The following GTF3C5 variants were observed in gnomAD, a reference collection of about 807,000 sequenced individuals.
The protein encoded by GTF3C5 is general transcription factor 3C polypeptide 5.
In GTF3C5, 47 loss-of-function variants were observed where a neutral mutation model predicts 61.0. The observed-to-expected ratio is 0.77, with a 90% CI of 0.61 to 0.98. The LOEUF is 0.98. Ranked by LOEUF, GTF3C5 falls within the 50% of genes least tolerant of loss-of-function variation. GTF3C5 has a pLI of 0.00. For synonymous variants in GTF3C5, 295 were observed against 275.4 expected, an observed-to-expected ratio of 1.07 and a Z score of -0.71; for missense variants, 659 against 703.3, an observed-to-expected ratio of 0.94 and a Z score of 0.71.
At position 133,056,872 on chromosome 9, in the gene GTF3C5, C is replaced by G; in HGVS notation, c.1357C>G (p.Leu453Val). 6.2e-7 allele frequency: 1 copy of G among 1,609,310 alleles called. No homozygotes were observed. The highest frequency in any genetic ancestry group is 8.5e-7 in the Non-Finnish European group (1 of 1,177,854). ...TSDELRDTMS[L>V]MIRQTIRSKR... ...CGACGAGCTCAGGGACACCATGTCC[C>G]TCATGATCCGGCAGACCATCCGCTC... Residue 453 changes from leucine to valine, a missense_variant, in exon 10 of 11, where the codon CTC (leucine) becomes GTC (valine). Coordinates refer to ENST00000372097, the MANE Select transcript of GTF3C5 (RefSeq NM_012087.4).
upstream of GTF3C5, chr9:133,030,920 C>A (rs1849706536): frequency 3.5e-6 from 5 of 1,427,094 alleles, no homozygotes; most frequent in Non-Finnish European, 4.9e-6. Context: ...GGTGAGGGAG[C>A]CCGGAACGAT....
chr9:133,055,498 GCCTT>G (rs1310509296), intron 8 of GTF3C5: 1 of 1,200,094 alleles, frequency 8.3e-7, no homozygotes, highest in Non-Finnish European at 1.1e-6. Context: ...AGCCTGTGCG[GCCTT>G]CCTTCTCGAG....
At chr9:133,054,052 CT>C (rs1829843556) in intron 6 of GTF3C5, 110 bp downstream of exon 6, 1 of 780,694 alleles carries the variant, frequency 1.3e-6, no homozygotes, top group Admixed American at 2.8e-5. Context: ...ATAAAAAAAC[CT>C]TTTGCCCCCG....
At position 133,054,714 on chromosome 9, in the gene GTF3C5, A is replaced by T; in HGVS notation, c.1072A>T (p.Ser358Cys). ...SLPITVKKTSSQLVTMHDLKQ... is the reference protein window; with the variant it reads ...SLPITVKKTSCQLVTMHDLKQ... The stretch of plus-strand genomic sequence containing the variant: ...GCACTGCTGTTGTCCCCACGCAGCC[A>T]GCCAGCTTGTCACCATGCATGACCT... The change falls in exon 8 of 11, where the codon AGC becomes TGC. Residue 358 changes from serine (S) to cysteine (C), a missense_variant and splice_region_variant. Physicochemically the swap from Ser to Cys is moderately radical, Grantham distance 112. Transcript: ENST00000372097. The T allele has an allele frequency of 6.4e-7, 1 of 1,567,314 alleles. No homozygotes were observed. Among genetic ancestry groups the T allele is most frequent in the Non-Finnish European group, 8.7e-7 (1 of 1,155,790 alleles).
chr9:133,057,076 T>C (rs1829960687), intron 10 of GTF3C5, among the ~76,000 whole-genome samples, 168 bp downstream of exon 10: 1 of 152,208 alleles, frequency 6.6e-6, no homozygotes, highest in Non-Finnish European at 1.5e-5. Flanking sequence ...GCCCAGGTGC[T>C]GGCATCACCC....
At chr9:133,046,110 G>A (rs185589300) in intron 3 of GTF3C5, among the ~76,000 whole-genome samples, 1 of 152,236 alleles carries the variant, frequency 6.6e-6, no homozygotes, top group African/African-American at 2.4e-5. Flanking sequence ...AGGATCACTT[G>A]AGGCCAAAAG....
chr9:133,045,632 CT>C (rs902710612), intron 3 of GTF3C5, among the ~76,000 whole-genome samples: 1 of 152,002 alleles, frequency 6.6e-6, no homozygotes, highest in African/African-American at 2.4e-5. Flanking sequence ...ATGAAAGGGC[CT>C]TTTTTTCTTT....
At chr9:133,055,766 G>A (rs1395048741) in intron 8 of GTF3C5, 2 of 1,345,238 alleles carry the variant, frequency 1.5e-6, no homozygotes, top group Non-Finnish European at 1.9e-6. Context: ...GCACGGGCGG[G>A]CTCACCGTTT....
chr9:133,046,875 G>C (rs1230532806), intron 3 of GTF3C5, among the ~76,000 whole-genome samples: 1 of 152,144 alleles, frequency 6.6e-6, no homozygotes, highest in Non-Finnish European at 1.5e-5. Context: ...AGGCTGGGGA[G>C]GCTGCTGTGC....
At chr9:133,049,321 G>A (rs1335637861) in intron 3 of GTF3C5, among the ~76,000 whole-genome samples, 1 of 152,220 alleles carries the variant, frequency 6.6e-6, no homozygotes, top group Non-Finnish European at 1.5e-5. Context: ...TTGAAAACGC[G>A]ATAGTGCTGA....
chr9:133,054,923 C>T (rs543495475), intron 8 of GTF3C5, 114 bp downstream of exon 8: 100 of 1,547,204 alleles, frequency 6.5e-5, no homozygotes, highest in African/African-American at 4.8e-4. Context: ...ACCGGGGCCT[C>T]GGCACCTTGC....
rs560768119 is a variant in GTF3C5 at position 133,049,702 on chromosome 9, C to T, written c.573-1081C>T. Among the ~76,000 whole-genome samples, 18 of 152,312 alleles carry T rather than the reference C, an allele frequency of 1.2e-4. No individual in the cohort carries two copies. The South Asian group carries it at 3.5e-3, about 30-fold the overall frequency. ...CTACTACAAATATTTTGAGAAATAC[C>T]TACCTAAGGGTGTTCTGTGCCAACA... On this transcript the variant is annotated intron_variant, in intron 3 of 10. Transcript: ENST00000372097.
At chr9:133,054,379 C>A (rs373705409) in intron 6 of GTF3C5, 29 bp from the exon 7 acceptor site, 18 of 1,598,518 alleles carry the variant, frequency 1.1e-5, no homozygotes, top group Non-Finnish European at 1.5e-5. Context: ...CTGTGCCCGC[C>A]CACCTGACTT....
At chr9:133,041,280 G>C (rs1850030784) in intron 1 of GTF3C5, among the ~76,000 whole-genome samples, 1 of 152,204 alleles carries the variant, frequency 6.6e-6, no homozygotes, top group South Asian at 2.1e-4. Flanking sequence ...ACATCAGTCA[G>C]ACCTGCCCGC....
intron 8 of GTF3C5, chr9:133,055,683 G>T: frequency 7.1e-6 from 7 of 985,456 alleles, no homozygotes; most frequent in Non-Finnish European, 8.4e-6. Flanking sequence ...AGGTCAGAGT[G>T]CAGGAGGGCA....
upstream of GTF3C5, chr9:133,030,905 C>A: frequency 7.7e-7 from 1 of 1,298,894 alleles, no homozygotes; most frequent in Non-Finnish European, 1.1e-6. Context: ...TAGGATGACG[C>A]GAGCGGTGAG....
intron 5 of GTF3C5, among the ~76,000 whole-genome samples, chr9:133,053,315 T>G (rs1850442294): frequency 6.6e-6 from 1 of 152,208 alleles, no homozygotes; most frequent in South Asian, 2.1e-4. Flanking sequence ...CCAGGCATGA[T>G]GGCTCACTCC....
intron 2 of GTF3C5, 142 bp from the exon 3 acceptor site, chr9:133,043,586 G>A: frequency 1.5e-6 from 1 of 654,132 alleles, no homozygotes; most frequent in Non-Finnish European, 2.7e-6. Flanking sequence ...ATTTGGGAAG[G>A]GTGTGTTTTC....
chr9:133,039,877 C>CGTCT (rs1302346680), intron 1 of GTF3C5, among the ~76,000 whole-genome samples: 1 of 152,188 alleles, frequency 6.6e-6, no homozygotes, highest in African/African-American at 2.4e-5. Context: ...TTAGGTCAGA[C>CGTCT]ATCTACATGG....
Sources: gnomAD v4.1 joint callset for allele counts (sites outside exome capture counted in the v4.1 genomes callset) on GRCh38, gnomAD v4.1.1 for gene constraint, MANE v1.5 for transcripts, NCBI Gene and HGNC (gene_info 2026-07-23, HGNC 2026-07-21) for gene names.